The following KCNQ3 variants were observed in gnomAD, a reference collection of about 807,000 sequenced individuals.
KCNQ3 encodes the protein potassium voltage-gated channel subfamily Q member 3.
In KCNQ3, 30 loss-of-function variants were observed where a neutral mutation model predicts 92.5. The observed-to-expected ratio is 0.32, with a 90% CI of 0.24 to 0.44. The LOEUF (loss-of-function observed/expected upper bound fraction) is 0.44. Among genes scored for constraint, KCNQ3 ranks in the 20% least tolerant of loss-of-function variants. The probability of loss-of-function intolerance (pLI) is 1.00; values close to 1 mark genes in which losing one functional copy is unlikely to be tolerated. For synonymous variants in KCNQ3, 450 were observed against 468.8 expected, an observed-to-expected ratio of 0.96 and a Z score of 0.52; for missense variants, 913 against 1,140.3, an observed-to-expected ratio of 0.80 and a Z score of 2.87.
chr8:132,201,156 C>T (rs1041686095), intron 1 of KCNQ3, among the ~76,000 whole-genome samples: 7 of 152,126 alleles, frequency 4.6e-5, no homozygotes, highest in African/African-American at 1.7e-4. Flanking sequence ...AAGGCAGAGC[C>T]GCCCTGACCT....
Position 132,300,261 on chromosome 8 carries a change from CAA to C in KCNQ3, c.387-114082_387-114081del, listed in dbSNP as rs1817174305. On this transcript the variant is annotated intron_variant, in intron 1 of 14. Transcript: ENST00000388996. ...ATTTTTTTTTGCATTTTCCCTCCTG[CAA>C]GGGAAAGCCCTTTGCTGCCGTTTCA... 2.0e-5 allele frequency among the ~76,000 whole-genome samples: 3 copies of C among 152,126 alleles called. 1 individual carries two copies. The highest frequency in any genetic ancestry group is 2.0e-4 in the Admixed American group (3 of 15,276).
chr8:132,233,922 A>G (rs1450131235), intron 1 of KCNQ3, among the ~76,000 whole-genome samples: 1 of 152,228 alleles, frequency 6.6e-6, no homozygotes, highest in Non-Finnish European at 1.5e-5. Flanking sequence ...GTCTAATTTG[A>G]CCTGTGGGGA....
At chr8:132,134,182 G>A (rs1824983726) in intron 13 of KCNQ3, 108 bp downstream of exon 13, 1 of 821,236 alleles carries the variant, frequency 1.2e-6, no homozygotes, top group Non-Finnish European at 2.2e-6. Context: ...TTTTACTTAG[G>A]AGAGTGACAA....
rs1223413681 is a variant in KCNQ3, at chr8:132,481,069, G to C, written c.-537C>G. On this transcript the variant is annotated 5_prime_UTR_variant, in exon 1 of 15. Coordinates refer to ENST00000388996, the MANE Select transcript of KCNQ3 (RefSeq NM_004519.4). ...TCAGCCTGTCAGCAGCAGCAGCAGC[G>C]AGCGCGCCGCGGGCCGAGAGCACGC... 6.6e-6 allele frequency: 1 copy of C among 151,784 alleles called. No individual in the cohort carries two copies. 9.4% of individuals were successfully genotyped at this position (151,784 alleles called of 1,614,324 possible).
At chr8:132,446,289 C>T (rs1468178821) in intron 1 of KCNQ3, among the ~76,000 whole-genome samples, 1 of 152,180 alleles carries the variant, frequency 6.6e-6, no homozygotes. Context: ...CAATTAATAA[C>T]TAATTTTGGA....
At chr8:132,430,278 C>T (rs981977113) in intron 1 of KCNQ3, among the ~76,000 whole-genome samples, 43 of 152,154 alleles carry the variant, frequency 2.8e-4, no homozygotes, top group Non-Finnish European at 5.4e-4. Flanking sequence ...ATAATAATCT[C>T]TAAGGTGAAG....
At chr8:132,140,223 A>G (rs1305486216) in intron 10 of KCNQ3, 45 bp from the exon 11 acceptor site, 1 of 1,473,978 alleles carries the variant, frequency 6.8e-7, no homozygotes, top group Admixed American at 1.7e-5. Flanking sequence ...CAGACCTGGA[A>G]AAGGCTTGGG....
chr8:132,248,652 C>T (rs942483194), intron 1 of KCNQ3, among the ~76,000 whole-genome samples: 7 of 152,168 alleles, frequency 4.6e-5, no homozygotes, highest in African/African-American at 2.4e-5. Context: ...CTCCCATATG[C>T]GCAGTCCCTG....
At chr8:132,320,683 C>A (rs1039415777) in intron 1 of KCNQ3, among the ~76,000 whole-genome samples, 1 of 152,014 alleles carries the variant, frequency 6.6e-6, no homozygotes, top group African/African-American at 2.4e-5. Flanking sequence ...TACTGACAGC[C>A]CCACTTGCTC....
chr8:132,407,895 G>C (rs764750990), intron 1 of KCNQ3, among the ~76,000 whole-genome samples: 2 of 152,098 alleles, frequency 1.3e-5, no homozygotes, highest in South Asian at 4.2e-4. Context: ...CCGAGCTAAC[G>C]AAGAGGGCAG....
chr8:132,270,741 G>A (rs1308192661), intron 1 of KCNQ3, among the ~76,000 whole-genome samples: 1 of 152,154 alleles, frequency 6.6e-6, no homozygotes, highest in Non-Finnish European at 1.5e-5. Flanking sequence ...TTTTGTTACA[G>A]AATATTTTTA....
chr8:132,399,031 C>T (rs1334858395), intron 1 of KCNQ3, among the ~76,000 whole-genome samples: 3 of 152,208 alleles, frequency 2.0e-5, no homozygotes, highest in East Asian at 1.9e-4. Flanking sequence ...GCCTTTGAGA[C>T]AGGCATCGTA....
intron 1 of KCNQ3, among the ~76,000 whole-genome samples, chr8:132,356,800 GA>G (rs2130714788): frequency 6.6e-6 from 1 of 152,288 alleles, no homozygotes; most frequent in Admixed American, 6.5e-5. Flanking sequence ...GATGGCCCAG[GA>G]ATGGGATGGT....
chr8:132,271,675 T>C (rs193024721), intron 1 of KCNQ3, among the ~76,000 whole-genome samples: 2 of 152,354 alleles, frequency 1.3e-5, no homozygotes, highest in East Asian at 3.9e-4. Context: ...ACTGTAGTGA[T>C]GACAGTGAAA....
intron 1 of KCNQ3, among the ~76,000 whole-genome samples, chr8:132,303,509 C>A (rs1159931475): frequency 1.7e-4 from 23 of 137,182 alleles, no homozygotes; most frequent in African/African-American, 6.3e-4. Flanking sequence ...GGCCAAGAGG[C>A]TGAGAAGAAG....
At chr8:132,142,680 A>C (rs970093412) in intron 9 of KCNQ3, among the ~76,000 whole-genome samples, 2 of 152,208 alleles carry the variant, frequency 1.3e-5, no homozygotes. Context: ...TACTTGTGAA[A>C]TAAATGAGAG....
intron 13 of KCNQ3, 80 bp from the exon 14 acceptor site, chr8:132,132,344 G>T: frequency 9.7e-7 from 1 of 1,028,878 alleles, no homozygotes; most frequent in East Asian, 2.4e-5. Context: ...GCAGGCCATG[G>T]CCAACAGAGC....
intron 1 of KCNQ3, among the ~76,000 whole-genome samples, chr8:132,332,962 T>C (rs545502028): frequency 6.6e-6 from 1 of 152,284 alleles, no homozygotes; most frequent in South Asian, 2.1e-4. Context: ...GAAGGACCCA[T>C]GGTTCATCTT....
At chr8:132,135,635 A>G (rs888005527) in intron 12 of KCNQ3, among the ~76,000 whole-genome samples, 3 of 152,178 alleles carry the variant, frequency 2.0e-5, no homozygotes, top group African/African-American at 7.2e-5. Flanking sequence ...TATGCTTATT[A>G]AAATTGGCTG....
Sources: gnomAD v4.1 joint callset for allele counts (sites outside exome capture counted in the v4.1 genomes callset) on GRCh38, gnomAD v4.1.1 for gene constraint, MANE v1.5 for transcripts, NCBI Gene and HGNC (gene_info 2026-07-23, HGNC 2026-07-21) for gene names.